SASS6: variants seen among roughly 807,000 people sequenced by gnomAD.
SASS6 encodes SAS-6 centriolar assembly protein, also known as spindle assembly abnormal protein 6 homolog.
A neutral mutation model predicts 94.9 loss-of-function variants in SASS6; 59 were observed. The ratio of observed to expected loss-of-function variants is 0.62; its 90% CI spans 0.50 to 0.77. The LOEUF (loss-of-function observed/expected upper bound fraction) is 0.77. SASS6 is among the 30% of genes least tolerant of loss of function. The probability of loss-of-function intolerance (pLI) is 0.00; values close to 1 mark genes in which losing one functional copy is unlikely to be tolerated. For synonymous variants in SASS6, 264 were observed against 270.0 expected (o/e 0.98, Z 0.22); for missense variants, 698 against 734.1 (o/e 0.95, Z 0.57).
At chr1:100,122,835 G>A (rs1654307255) in intron 3 of SASS6, among the ~76,000 whole-genome samples, 1 of 152,094 alleles carries the variant, frequency 6.6e-6, no homozygotes, top group Non-Finnish European at 1.5e-5. Context: ...ACAGGCGTGA[G>A]CCACCGTGCC....
rs751172181 is a variant in SASS6 at position 100,085,618 on chromosome 1, T to C, written c.1785A>G (p.Val595=). 4.4e-6 allele frequency: 7 copies of C among 1,605,368 alleles called. No homozygotes were observed. In the African/African-American group the frequency reaches 6.7e-5, roughly 15 times the overall value. ...TCTTCAGGTATTTGGATTCCAACCCTACATTTTCACCACTTAAAAAGAAAA... is the reference window on the plus strand; with the variant it reads ...TCTTCAGGTATTTGGATTCCAACCCCACATTTTCACCACTTAAAAAGAAAA... The part of the protein sequence containing the change: ...CSTDKENGEN[V]GLESKYLKKR... Residue 595 remains valine (V), a synonymous_variant, in exon 16 of 17, where the codon GTA becomes GTG. Transcript: ENST00000287482.
chr1:100,096,433 T>C (rs541780903), intron 14 of SASS6, among the ~76,000 whole-genome samples: 1 of 152,190 alleles, frequency 6.6e-6, no homozygotes, highest in Admixed American at 6.5e-5. Flanking sequence ...ACTATAAAAG[T>C]TGTAGAAGAA....
chr1:100,088,719 T>C (rs1651475198), intron 14 of SASS6, among the ~76,000 whole-genome samples: 1 of 151,978 alleles, frequency 6.6e-6, no homozygotes, highest in South Asian at 2.1e-4. Context: ...TGCACACCTG[T>C]AGTCCCAGAT....
At position 100,120,522 on chromosome 1, in the gene SASS6, A is replaced by C; in HGVS notation, c.484-63T>G. The C allele has an allele frequency of 9.3e-6, 7 of 756,092 alleles. No individual in the cohort carries two copies. The South Asian group carries it at 1.1e-4, about 11-fold the overall frequency. 46.8% of individuals were successfully genotyped at this position (756,092 alleles called of 1,614,324 possible). On this transcript the variant is annotated intron_variant, in intron 5 of 16. Coordinates refer to ENST00000287482, the MANE Select transcript of SASS6 (RefSeq NM_194292.3). Reference sequence around the variant, plus strand: ...GTAATCATCTATAGCCATGCTACTCAAAGTATAGCATCAGCATCATCCTGG... The same window carrying C: ...GTAATCATCTATAGCCATGCTACTCCAAGTATAGCATCAGCATCATCCTGG...
At chr1:100,090,345 A>C (rs1218305820) in intron 14 of SASS6, among the ~76,000 whole-genome samples, 2 of 152,214 alleles carry the variant, frequency 1.3e-5, no homozygotes, top group African/African-American at 4.8e-5. Flanking sequence ...AAAAAATAGA[A>C]AATGATACTT....
At chr1:100,125,775 A>G in intron 2 of SASS6, 107 bp downstream of exon 2, 1 of 710,816 alleles carries the variant, frequency 1.4e-6, no homozygotes, top group Middle Eastern at 3.4e-4. Flanking sequence ...ATAGCCTAAA[A>G]TGTAAAAGCA....
intron 7 of SASS6, among the ~76,000 whole-genome samples, chr1:100,111,103 C>T (rs138099969): frequency 1.0e-3 from 152 of 152,012 alleles, no homozygotes; most frequent in African/African-American, 3.5e-3. Context: ...CTATGAAATC[C>T]TAAATATCTT....
At chr1:100,092,649 C>T (rs544323002) in intron 14 of SASS6, among the ~76,000 whole-genome samples, 116 of 152,138 alleles carry the variant, frequency 7.6e-4, no homozygotes, top group Non-Finnish European at 1.3e-3. Context: ...AATCTCGGCT[C>T]GCTGCAACCT....
At chr1:100,131,618 G>A (rs1655037412) in intron 1 of SASS6, among the ~76,000 whole-genome samples, 1 of 152,070 alleles carries the variant, frequency 6.6e-6, no homozygotes, top group African/African-American at 2.4e-5. Flanking sequence ...CTACCATACT[G>A]GACAGCATTA....
intron 7 of SASS6, among the ~76,000 whole-genome samples, chr1:100,114,989 C>G (rs1380089637): frequency 6.6e-6 from 1 of 152,000 alleles, no homozygotes; most frequent in African/African-American, 2.4e-5. Context: ...AACCCTTTCT[C>G]TCAAATGCAA....
chr1:100,108,477 ATC>A (rs61463905), intron 8 of SASS6, among the ~76,000 whole-genome samples: 4,996 of 152,092 alleles, frequency 0.033, 290 homozygotes, highest in African/African-American at 0.11. Context: ...ACATTTCCAG[ATC>A]TCTCTGTTCA....
In SASS6 at chr1:100,121,049, C is replaced by CAA. The variant is rs781458509; in HGVS notation, c.483+327_483+328dup. Among the ~76,000 whole-genome samples the CAA allele has an allele frequency of 5.2e-3, 249 of 48,026 alleles. 3 individuals are homozygous for CAA. Among genetic ancestry groups the CAA allele is most frequent in the African/African-American group, 0.018 (228 of 12,712 alleles). The allele number at this position is 48,026 out of a possible 152,430, so 31.5% of individuals were successfully genotyped here. Reference sequence around the variant, plus strand: ...TGGGCGACAGAGCGAGACTCCGTCTCAAAAAAAAAAAAAAAAAAAAAGATG... The same window carrying CAA: ...TGGGCGACAGAGCGAGACTCCGTCTCAAAAAAAAAAAAAAAAAAAAAAAGATG... On this transcript the variant is annotated intron_variant, in intron 5 of 16. Transcript: ENST00000287482.
rs1557876692 is a variant in SASS6, at chr1:100,085,633, TAAAAAG to T, written c.1773-9_1773-4del. On this transcript the variant is annotated splice_polypyrimidine_tract_variant and splice_region_variant and intron_variant, in intron 15 of 16. Coordinates refer to ENST00000287482, the MANE Select transcript of SASS6 (RefSeq NM_194292.3). ...ATTCCAACCCTACATTTTCACCACT[TAAAAAG>T]AAAATGGTAATAACTTATTTAACAA... is the stretch of plus-strand genomic sequence containing the variant. The T allele has an allele frequency of 5.7e-6, 9 of 1,570,560 alleles. No homozygotes were observed. The East Asian group carries it at 6.7e-5, about 12-fold the overall frequency.
At chr1:100,124,629 C>T (rs189419109) in intron 2 of SASS6, among the ~76,000 whole-genome samples, 110 of 152,358 alleles carry the variant, frequency 7.2e-4, no homozygotes, top group Non-Finnish European at 1.4e-3. Context: ...AATCTGCCTA[C>T]TTCAGCCTCC....
At chr1:100,090,422 C>T (rs2101639395) in intron 14 of SASS6, among the ~76,000 whole-genome samples, 1 of 152,162 alleles carries the variant, frequency 6.6e-6, no homozygotes, top group South Asian at 2.1e-4. Flanking sequence ...TATTTTTCTG[C>T]TGAGATATGA....
At chr1:100,104,783 TA>T (rs546359132) in intron 13 of SASS6, among the ~76,000 whole-genome samples, 18,631 of 127,228 alleles carry the variant, frequency 0.15, 2,128 homozygotes, top group African/African-American at 0.34. Context: ...TTTCTCAGGT[TA>T]AAAAAAAAAA....
At position 100,105,788 on chromosome 1, in the gene SASS6, T is replaced by C. The variant is rs1652851391; in HGVS notation, c.1524A>G (p.Gly508=). ...TTACCACATTCAGGTTAGGAGAAAT[T>C]CCACTTCTGATTGTGTTGCTGCTGG... is the stretch of plus-strand genomic sequence containing the variant. ...AHSSSNTIRS[G]ISPNLNVVDG... is the part of the protein sequence containing the mutation. The change falls in exon 13 of 17, where the codon GGA becomes GGG. Residue 508 remains glycine, a synonymous_variant. Coordinates refer to ENST00000287482, the MANE Select transcript of SASS6 (RefSeq NM_194292.3). The C allele has an allele frequency of 1.2e-6, 2 of 1,612,856 alleles. No homozygotes were observed. Among genetic ancestry groups the C allele is most frequent in the Admixed American group, 1.7e-5 (1 of 59,744 alleles).
chr1:100,089,363 TA>T (rs1208020755), intron 14 of SASS6, among the ~76,000 whole-genome samples: 4 of 152,068 alleles, frequency 2.6e-5, no homozygotes, highest in African/African-American at 9.7e-5. Flanking sequence ...TAGAATTTCC[TA>T]AACTGATAAA....
chr1:100,109,114 A>G (rs541002832), intron 8 of SASS6, among the ~76,000 whole-genome samples: 1 of 152,208 alleles, frequency 6.6e-6, no homozygotes, highest in South Asian at 2.1e-4. Flanking sequence ...GCTGAGAATA[A>G]TGAAATCAGA....
Sources: allele counts gnomAD v4.1 joint callset (sites outside exome capture counted in the v4.1 genomes callset), GRCh38; gene constraint gnomAD v4.1.1; transcripts MANE v1.5; gene names NCBI Gene and HGNC (gene_info 2026-07-23, HGNC 2026-07-21).